The following PDGFD variants were observed in gnomAD, a reference collection of about 807,000 sequenced individuals.
The protein encoded by PDGFD is platelet derived growth factor D.
PDGFD carries 30 observed loss-of-function variants against 44.7 expected under a neutral mutation model. The ratio of observed to expected loss-of-function variants is 0.67; its 90% CI spans 0.50 to 0.91. The LOEUF is 0.91. Among genes scored for constraint, PDGFD ranks in the 40% least tolerant of loss-of-function variants. PDGFD has a pLI of 0.00. For missense variants in PDGFD, 445 were observed against 457.8 expected (o/e 0.97, Z 0.25); for synonymous variants, 173 against 168.4 (o/e 1.03, Z -0.21).
At chr11:104,111,044 T>C (rs1861547236) in intron 1 of PDGFD, among the ~76,000 whole-genome samples, 1 of 152,014 alleles carries the variant, frequency 6.6e-6, no homozygotes, top group South Asian at 2.1e-4. Flanking sequence ...GTTCTGACAG[T>C]GGTTATTATG....
chr11:104,091,650 C>T (rs770386574), intron 1 of PDGFD, among the ~76,000 whole-genome samples: 1 of 152,110 alleles, frequency 6.6e-6, no homozygotes, highest in Non-Finnish European at 1.5e-5. Flanking sequence ...GAGGCCTAAG[C>T]GAAGACTTAC....
intron 1 of PDGFD, among the ~76,000 whole-genome samples, chr11:104,003,589 A>T (rs1859652103): frequency 1.3e-5 from 2 of 152,248 alleles, no homozygotes; most frequent in African/African-American, 4.8e-5. Context: ...TGCTAAGCCT[A>T]GAGCCTGGGC....
intron 1 of PDGFD, among the ~76,000 whole-genome samples, chr11:104,156,544 AG>A (rs1262945309): frequency 6.6e-6 from 1 of 152,164 alleles, no homozygotes; most frequent in East Asian, 1.9e-4. Flanking sequence ...TCATAATGAA[AG>A]ACAGCTCCCA....
At chr11:104,051,097 A>AG (rs201688435) in intron 1 of PDGFD, among the ~76,000 whole-genome samples, 264 of 140,392 alleles carry the variant, frequency 1.9e-3, no homozygotes, top group Middle Eastern at 7.0e-3. Flanking sequence ...AAGGTGATAC[A>AG]GGAAAAAAAA....
chr11:104,024,858 T>A (rs1860019046), intron 1 of PDGFD, among the ~76,000 whole-genome samples: 1 of 152,238 alleles, frequency 6.6e-6, no homozygotes, highest in Non-Finnish European at 1.5e-5. Context: ...TAATCTCTAT[T>A]GAAGAATGGA....
chr11:104,129,520 C>T (rs1201101938), intron 1 of PDGFD, among the ~76,000 whole-genome samples: 1 of 152,118 alleles, frequency 6.6e-6, no homozygotes, highest in East Asian at 1.9e-4. Flanking sequence ...AGGAAAACAT[C>T]GTAGTATACC....
At chr11:104,030,472 A>T (rs1237768023) in intron 1 of PDGFD, among the ~76,000 whole-genome samples, 1 of 152,226 alleles carries the variant, frequency 6.6e-6, no homozygotes, top group African/African-American at 2.4e-5. Context: ...ATTTCAACTC[A>T]GGGCACTGCA....
intron 2 of PDGFD, among the ~76,000 whole-genome samples, chr11:103,999,005 GA>G (rs1380629059): frequency 1.3e-5 from 2 of 151,902 alleles, no homozygotes; most frequent in African/African-American, 4.8e-5. Context: ...TTTTGAGATG[GA>G]AAAGACGCAA....
intron 1 of PDGFD, among the ~76,000 whole-genome samples, chr11:104,049,340 A>G (rs1860489540): frequency 6.6e-6 from 1 of 152,178 alleles, no homozygotes; most frequent in African/African-American, 2.4e-5. Flanking sequence ...GAAAGAGCAA[A>G]GACTTAAAGC....
At chr11:104,011,517 C>T (rs1239878394) in intron 1 of PDGFD, among the ~76,000 whole-genome samples, 1 of 152,050 alleles carries the variant, frequency 6.6e-6, no homozygotes, top group Non-Finnish European at 1.5e-5. Flanking sequence ...AAATAGGGAA[C>T]TATCTTATGA....
chr11:104,067,466 A>AG (rs1860806022), intron 1 of PDGFD, among the ~76,000 whole-genome samples: 1 of 152,174 alleles, frequency 6.6e-6, no homozygotes, highest in Non-Finnish European at 1.5e-5. Flanking sequence ...AAATTTGAAA[A>AG]TCTTTCTATT....
chr11:103,999,745 T>G (rs558990363), intron 2 of PDGFD, among the ~76,000 whole-genome samples: 1 of 152,292 alleles, frequency 6.6e-6, no homozygotes, highest in South Asian at 2.1e-4. Flanking sequence ...GCTGGATACC[T>G]GTGCATAAAT....
At chr11:104,040,365 T>C (rs981308967) in intron 1 of PDGFD, among the ~76,000 whole-genome samples, 1 of 152,098 alleles carries the variant, frequency 6.6e-6, no homozygotes, top group Non-Finnish European at 1.5e-5. Flanking sequence ...AGAAAAATCA[T>C]TAAACAAAAT....
chr11:103,943,648 C>G lies in PDGFD; in HGVS notation c.576G>C (p.Gly192=), dbSNP rs1201576038. The change falls in exon 5 of 7, where the codon GGG becomes GGC. Residue 192 remains glycine (G), a splice_region_variant and synonymous_variant. Coordinates refer to ENST00000393158, the MANE Select transcript of PDGFD (RefSeq NM_025208.5). ...NWESVTSSIS[G]VSYNSPSVTD... ...TTACTGATGGAGAGTTATAGGATAC[C>G]CCCTAAGAGTGACATACAGCTCAGT... 1 of 1,611,148 alleles carries G rather than the reference C, an allele frequency of 6.2e-7. No homozygotes were observed. Among genetic ancestry groups the G allele is most frequent in the African/African-American group, 1.3e-5 (1 of 74,798 alleles).
At chr11:104,113,716 A>G (rs1427869297) in intron 1 of PDGFD, among the ~76,000 whole-genome samples, 5 of 152,024 alleles carry the variant, frequency 3.3e-5, no homozygotes, top group Admixed American at 3.3e-4. Context: ...ATGTGGCTGT[A>G]TCATGTTGCA....
At chr11:104,126,717 C>T (rs1483317084) in intron 1 of PDGFD, among the ~76,000 whole-genome samples, 1 of 152,128 alleles carries the variant, frequency 6.6e-6, no homozygotes, top group African/African-American at 2.4e-5. Flanking sequence ...CAGTTCTCTG[C>T]TAGCAGAGGT....
intron 1 of PDGFD, among the ~76,000 whole-genome samples, chr11:104,148,918 G>GAT (rs997057546): frequency 1.8e-4 from 28 of 152,248 alleles, no homozygotes; most frequent in African/African-American, 6.3e-4. Flanking sequence ...CAAAGGACAT[G>GAT]ATCTTGTTTT....
intron 3 of PDGFD, among the ~76,000 whole-genome samples, chr11:103,993,820 A>T (rs969435505): frequency 6.6e-6 from 1 of 152,204 alleles, no homozygotes; most frequent in African/African-American, 2.4e-5. Context: ...GGCCATATTT[A>T]AGGCCAGAAG....
chr11:103,959,648 C>T (rs767333222), intron 3 of PDGFD, among the ~76,000 whole-genome samples: 9 of 152,112 alleles, frequency 5.9e-5, no homozygotes, highest in Non-Finnish European at 1.3e-4. Flanking sequence ...GCACACAGGT[C>T]GTGAGTTTCA....
Sources: allele counts gnomAD v4.1 joint callset (sites outside exome capture counted in the v4.1 genomes callset), GRCh38; gene constraint gnomAD v4.1.1; transcripts MANE v1.5; gene names NCBI Gene and HGNC (gene_info 2026-07-23, HGNC 2026-07-21).